Variants in ASTN2 observed in about 807,000 individuals in gnomAD.
The protein encoded by ASTN2 is astrotactin-2.
ASTN2 carries 54 observed loss-of-function variants against 139.8 expected under a neutral mutation model. The observed-to-expected ratio is 0.39, with a 90% CI of 0.31 to 0.48. The LOEUF (loss-of-function observed/expected upper bound fraction) is 0.48. Ranked by LOEUF, ASTN2 falls within the 20% of genes least tolerant of loss-of-function variation. The probability of loss-of-function intolerance (pLI) is 0.95; values close to 1 mark genes in which losing one functional copy is unlikely to be tolerated. For synonymous variants in ASTN2, 756 were observed against 719.5 expected, an observed-to-expected ratio of 1.05 and a Z score of -0.81; for missense variants, 1,565 against 1,725.1, an observed-to-expected ratio of 0.91 and a Z score of 1.64.
At chr9:116,548,139 G>A (rs768873596) in intron 19 of ASTN2, among the ~76,000 whole-genome samples, 28 of 152,314 alleles carry the variant, frequency 1.8e-4, no homozygotes, top group Middle Eastern at 3.4e-3. Context: ...AGCGATTCCC[G>A]TAAGGCACTG....
intron 1 of ASTN2, among the ~76,000 whole-genome samples, chr9:117,310,408 C>T (rs571869015): frequency 2.2e-4 from 33 of 152,190 alleles, no homozygotes; most frequent in East Asian, 7.8e-4. Context: ...TCTTCCTTGG[C>T]GCTCGTCTTT....
chr9:116,566,321 G>A (rs1159413168), intron 19 of ASTN2, among the ~76,000 whole-genome samples: 2 of 151,982 alleles, frequency 1.3e-5, no homozygotes, highest in African/African-American at 2.4e-5. Context: ...ACCCAATACT[G>A]GGCTCATTCC....
chr9:116,841,184 G>A (rs575091392), intron 11 of ASTN2, among the ~76,000 whole-genome samples: 135 of 152,326 alleles, frequency 8.9e-4, no homozygotes, highest in African/African-American at 3.0e-3. Context: ...AGACCAGCCC[G>A]GCCAACACAG....
intron 6 of ASTN2, among the ~76,000 whole-genome samples, chr9:117,038,954 C>T (rs1032562669): frequency 1.3e-5 from 2 of 152,112 alleles, no homozygotes; most frequent in African/African-American, 4.8e-5. Flanking sequence ...TGTATATTTA[C>T]AGGGAATGAG....
intron 20 of ASTN2, among the ~76,000 whole-genome samples, chr9:116,452,046 A>T (rs1478377047): frequency 6.6e-6 from 1 of 152,122 alleles, no homozygotes; most frequent in Non-Finnish European, 1.5e-5. Context: ...ACATAATTGT[A>T]CTAGCTATAG....
At chr9:116,914,916 G>A (rs1251888572) in intron 10 of ASTN2, among the ~76,000 whole-genome samples, 1 of 152,160 alleles carries the variant, frequency 6.6e-6, no homozygotes, top group Non-Finnish European at 1.5e-5. Flanking sequence ...CATAAAACCA[G>A]TAAAGGCTGA....
At chr9:116,733,304 C>T (rs1416330185) in intron 14 of ASTN2, 95 bp downstream of exon 14, 1 of 1,505,326 alleles carries the variant, frequency 6.6e-7, no homozygotes. Context: ...CTTGACAGAG[C>T]CCATCTTGGA....
At chr9:116,784,604 A>C (rs1187248801) in intron 13 of ASTN2, among the ~76,000 whole-genome samples, 1 of 152,238 alleles carries the variant, frequency 6.6e-6, no homozygotes, top group East Asian at 1.9e-4. Flanking sequence ...TGTGATATGA[A>C]TGGAGCAGAA....
chr9:116,969,719 T>G (rs1197681630), intron 10 of ASTN2, among the ~76,000 whole-genome samples: 1 of 152,168 alleles, frequency 6.6e-6, no homozygotes, highest in Non-Finnish European at 1.5e-5. Context: ...ACTAAGTAGG[T>G]GATCCATTCC....
intron 13 of ASTN2, among the ~76,000 whole-genome samples, chr9:116,735,747 C>G (rs1828910452): frequency 1.3e-5 from 2 of 152,192 alleles, no homozygotes; most frequent in Non-Finnish European, 2.9e-5. Context: ...GCAGGAGAGG[C>G]TAAGGGTGAG....
At position 116,999,232 on chromosome 9, in the gene ASTN2, C is replaced by T. The variant is rs144631674; in HGVS notation, c.1591+8860G>A. 3.9e-4 allele frequency among the ~76,000 whole-genome samples: 60 copies of T among 152,190 alleles called. 1 individual carries two copies. In the East Asian group the frequency reaches 0.011, roughly 27 times the overall value. On this transcript the variant is annotated intron_variant, in intron 7 of 22. Coordinates refer to ENST00000313400, the MANE Select transcript of ASTN2 (RefSeq NM_001365068.1). ...AGGTCATAGAAACATGGATTTTGAG[C>T]GGAGAATATCCTAGAAATTATTTAG...
intron 19 of ASTN2, among the ~76,000 whole-genome samples, chr9:116,571,503 G>A (rs764580696): frequency 6.6e-6 from 1 of 152,160 alleles, no homozygotes; most frequent in Non-Finnish European, 1.5e-5. Flanking sequence ...TGTCCATACG[G>A]TGAGTGTGAG....
In ASTN2 at chr9:116,699,867, T is replaced by A. The variant is rs1358640619; in HGVS notation, c.2806+25904A>T. ...CATCTTTTAATGTTTTTATTTGTTA[T>A]GTCCCCCTCCCCGCTTCCCACCTAA... On this transcript the variant is annotated intron_variant, in intron 16 of 22. Coordinates refer to ENST00000313400, the MANE Select transcript of ASTN2 (RefSeq NM_001365068.1). The surrounding 1 kb of genome is among the most constrained non-coding windows in gnomAD (Gnocchi z 4.2). 6 of 940,906 alleles carry A rather than the reference T, an allele frequency of 6.4e-6. No homozygotes were observed. The highest frequency in any genetic ancestry group is 9.6e-6 in the Non-Finnish European group (6 of 623,106). The allele number at this position is 940,906 out of a possible 1,614,324, so 58.3% of individuals were successfully genotyped here.
chr9:117,382,028 G>A (rs1403746320), intron 1 of ASTN2, among the ~76,000 whole-genome samples: 1 of 152,160 alleles, frequency 6.6e-6, no homozygotes, highest in African/African-American at 2.4e-5. Flanking sequence ...TAAGTCTAGA[G>A]CTATAGGCAG....
intron 22 of ASTN2, among the ~76,000 whole-genome samples, chr9:116,428,241 G>T (rs1847370953): frequency 1.3e-5 from 2 of 152,160 alleles, no homozygotes; most frequent in South Asian, 2.1e-4. Flanking sequence ...AAGAGGAAAA[G>T]GTGGCCGGGC....
intron 1 of ASTN2, among the ~76,000 whole-genome samples, chr9:117,313,335 C>T (rs2130818807): frequency 6.6e-6 from 1 of 152,266 alleles, no homozygotes; most frequent in East Asian, 1.9e-4. Context: ...CCAAGGCAGC[C>T]AGAGACAGGG....
At chr9:117,162,190 T>G (rs554021273) in intron 3 of ASTN2, among the ~76,000 whole-genome samples, 1 of 152,060 alleles carries the variant, frequency 6.6e-6, no homozygotes, top group African/African-American at 2.4e-5. Context: ...ACAGGTAACT[T>G]TTGAAGAGAT....
chr9:117,034,036 G>A (rs1838318619), intron 6 of ASTN2, among the ~76,000 whole-genome samples: 1 of 151,976 alleles, frequency 6.6e-6, no homozygotes, highest in African/African-American at 2.4e-5. Context: ...TTTCAATCTT[G>A]TGGCTGCCAA....
At chr9:116,439,193 C>CTTTTTT (rs1564277528) in intron 22 of ASTN2, among the ~76,000 whole-genome samples, 2 of 102,780 alleles carry the variant, frequency 1.9e-5, no homozygotes, top group African/African-American at 7.4e-5. Flanking sequence ...TATTCAAATA[C>CTTTTTT]ATTTTTTTTT....
Sources: gnomAD v4.1 joint callset for allele counts (sites outside exome capture counted in the v4.1 genomes callset) on GRCh38, gnomAD v4.1.1 for gene constraint, Gnocchi (gnomAD v3.1) non-coding constraint, MANE v1.5 for transcripts, NCBI Gene and HGNC (gene_info 2026-07-23, HGNC 2026-07-21) for gene names.